The following MTDH variants were observed in gnomAD, a reference collection of about 807,000 sequenced individuals.
MTDH encodes metadherin, also known as protein LYRIC.
MTDH carries 34 observed loss-of-function variants against 72.7 expected under a neutral mutation model. The observed-to-expected ratio is 0.47, with a 90% confidence interval of 0.36 to 0.62. The LOEUF is 0.62. MTDH is among the 20% of genes least tolerant of loss of function. The pLI is 0.00. For missense variants in MTDH, 677 were observed against 699.4 expected (o/e 0.97, Z 0.36); for synonymous variants, 266 against 268.9 (o/e 0.99, Z 0.10).
chr8:97,723,061 T>A (rs763743858), intron 11 of MTDH, 26 bp downstream of exon 11: 1 of 1,600,742 alleles, frequency 6.2e-7, no homozygotes. Flanking sequence ...TTTTTGTTCC[T>A]TTGTACTGTT....
At chr8:97,693,376 G>A (rs202207539) in intron 6 of MTDH, among the ~76,000 whole-genome samples, 11 of 151,958 alleles carry the variant, frequency 7.2e-5, no homozygotes, top group African/African-American at 2.7e-4. Context: ...TCGCTCTGTC[G>A]CCCAGGCTGG....
rs373061673 is a variant in MTDH, at chr8:97,719,099, C to T, written c.1431C>T (p.Thr477=). The change falls in exon 10 of 12, where the codon ACC becomes ACT. Residue 477 remains threonine (T), a synonymous_variant. Coordinates refer to ENST00000336273, the MANE Select transcript of MTDH (RefSeq NM_178812.4). ...TTAGAGAAGACCTTCCAGTGAATACCTCTAAAACCCGTCCAAAACAGGAAA... is the reference window on the plus strand; with the variant it reads ...TTAGAGAAGACCTTCCAGTGAATACTTCTAAAACCCGTCCAAAACAGGAAA... ...KEIREDLPVN[T]SKTRPKQEKA... 3 of 1,613,706 alleles carry T rather than the reference C, an allele frequency of 1.9e-6. No individual in the cohort carries two copies. Among genetic ancestry groups the T allele is most frequent in the Non-Finnish European group, 2.5e-6 (3 of 1,179,744 alleles).
intron 8 of MTDH, among the ~76,000 whole-genome samples, chr8:97,713,048 A>G (rs1290237699): frequency 6.6e-6 from 1 of 152,130 alleles, no homozygotes; most frequent in Non-Finnish European, 1.5e-5. Flanking sequence ...AATAAAGTAG[A>G]ATTACCTATT....
At chr8:97,678,743 T>A (rs2130977795) in intron 2 of MTDH, among the ~76,000 whole-genome samples, 1 of 152,084 alleles carries the variant, frequency 6.6e-6, no homozygotes, top group East Asian at 1.9e-4. Context: ...CTGGCCTATT[T>A]TTCTTTTATG....
chr8:97,654,036 A>C (rs899576968), intron 1 of MTDH, among the ~76,000 whole-genome samples: 1 of 152,168 alleles, frequency 6.6e-6, no homozygotes, highest in Non-Finnish European at 1.5e-5. Flanking sequence ...CCATCTCCCC[A>C]TCTCATAAAG....
In MTDH at chr8:97,729,182, C is replaced by T. The variant is rs1274724507; in HGVS notation, c.*4512C>T. Among the ~76,000 whole-genome samples the T allele has an allele frequency of 6.6e-6, 1 of 151,514 alleles. No individual in the cohort carries two copies. The highest frequency in any genetic ancestry group is 1.5e-5 in the Non-Finnish European group (1 of 67,968). The stretch of plus-strand genomic sequence containing the variant: ...GCTTAAGTGATCCTCCTGCCTTGGC[C>T]TCCCAAAGTGCTGGTGTTACAGGTG... On this transcript the variant is annotated 3_prime_UTR_variant, in exon 12 of 12. Coordinates refer to ENST00000336273, the MANE Select transcript of MTDH (RefSeq NM_178812.4).
chr8:97,697,146 A>ATTTTTTTTTT (rs1317264159), intron 6 of MTDH, among the ~76,000 whole-genome samples: 1 of 68,938 alleles, frequency 1.5e-5, no homozygotes, highest in African/African-American at 1.4e-4. Context: ...ATATATATAT[A>ATTTTTTTTTT]TATATTTTTT....
chr8:97,669,922 CAAA>C (rs61250041), intron 2 of MTDH, among the ~76,000 whole-genome samples: 2 of 119,354 alleles, frequency 1.7e-5, no homozygotes, highest in Admixed American at 8.6e-5. Context: ...GACTCCATCT[CAAA>C]AAAAAAAAAA....
intron 2 of MTDH, among the ~76,000 whole-genome samples, chr8:97,667,514 A>G (rs1812440516): frequency 6.6e-6 from 1 of 152,222 alleles, no homozygotes; most frequent in Non-Finnish European, 1.5e-5. Flanking sequence ...GTGCCAAATT[A>G]GCCACTTATT....
Position 97,728,587 on chromosome 8 carries a change from T to G in MTDH, c.*3917T>G, listed in dbSNP as rs1036458736. On this transcript the variant is annotated 3_prime_UTR_variant, in exon 12 of 12. Coordinates refer to ENST00000336273, the MANE Select transcript of MTDH (RefSeq NM_178812.4). Reference sequence around the variant, plus strand: ...CATGCATTAGTTCATATGTATGAGGTTGGCTGTGTCCCCAAACAGCAATTG... The same window carrying G: ...CATGCATTAGTTCATATGTATGAGGGTGGCTGTGTCCCCAAACAGCAATTG... 5.9e-5 allele frequency: 9 copies of G among 151,800 alleles called. No homozygotes were observed. The highest frequency in any genetic ancestry group is 2.0e-4 in the Admixed American group (3 of 15,192). The allele number at this position is 151,800 out of a possible 1,614,324, so 9.4% of individuals were successfully genotyped here.
chr8:97,682,632 T>C (rs1455621523), intron 2 of MTDH, among the ~76,000 whole-genome samples: 2 of 151,912 alleles, frequency 1.3e-5, no homozygotes, highest in African/African-American at 2.4e-5. Context: ...GCAGTAGTAA[T>C]ATCAAATAAT....
intron 2 of MTDH, among the ~76,000 whole-genome samples, chr8:97,669,714 C>A (rs1045629524): frequency 6.0e-5 from 9 of 151,174 alleles, no homozygotes; most frequent in Admixed American, 5.3e-4. Flanking sequence ...GTCAGGAGTT[C>A]GAGACCAGCC....
chr8:97,718,995 A>T, intron 9 of MTDH, 54 bp from the exon 10 acceptor site: 1 of 1,493,932 alleles, frequency 6.7e-7, no homozygotes, highest in South Asian at 1.3e-5. Context: ...CATAGATTTT[A>T]ATTAATGAAG....
At chr8:97,682,949 G>C (rs1350020425) in intron 2 of MTDH, among the ~76,000 whole-genome samples, 1 of 151,216 alleles carries the variant, frequency 6.6e-6, no homozygotes, top group East Asian at 1.9e-4. Flanking sequence ...GTTAAATGTG[G>C]GGAGACTAAA....
intron 8 of MTDH, among the ~76,000 whole-genome samples, chr8:97,711,062 T>C (rs573838031): frequency 2.0e-5 from 3 of 152,308 alleles, no homozygotes; most frequent in South Asian, 4.1e-4. Flanking sequence ...TGCATCATTA[T>C]GAATACTAAC....
Position 97,729,410 on chromosome 8 carries a change from A to G in MTDH, c.*4740A>G, listed in dbSNP as rs1815475710. On this transcript the variant is annotated 3_prime_UTR_variant, in exon 12 of 12. Coordinates refer to ENST00000336273, the MANE Select transcript of MTDH (RefSeq NM_178812.4). ...TTGGTCCCACTAGCCATGAAGCTGGATGGGACGTAATATTCTATCTGGGTT... is the reference window on the plus strand; with the variant it reads ...TTGGTCCCACTAGCCATGAAGCTGGGTGGGACGTAATATTCTATCTGGGTT... Among the ~76,000 whole-genome samples, 2 of 152,168 alleles carry G rather than the reference A, an allele frequency of 1.3e-5. No homozygotes were observed. The highest frequency in any genetic ancestry group is 4.8e-5 in the African/African-American group (2 of 41,456).
At chr8:97,692,653 C>T (rs915366271) in intron 6 of MTDH, among the ~76,000 whole-genome samples, 3 of 152,146 alleles carry the variant, frequency 2.0e-5, no homozygotes, top group African/African-American at 7.2e-5. Context: ...GTTAGGATTA[C>T]AGGCCACGGC....
chr8:97,673,935 A>G (rs1456906339), intron 2 of MTDH, among the ~76,000 whole-genome samples: 1 of 151,332 alleles, frequency 6.6e-6, no homozygotes, highest in Non-Finnish European at 1.5e-5. Flanking sequence ...AGATCGTACC[A>G]CTGCACTCCA....
Position 97,661,136 on chromosome 8 carries a change from C to T in MTDH, c.446C>T (p.Ala149Val). The T allele has an allele frequency of 1.2e-6, 2 of 1,612,486 alleles. No homozygotes were observed. Among genetic ancestry groups the T allele is most frequent in the Non-Finnish European group, 1.7e-6 (2 of 1,179,230 alleles). Residue 149 changes from alanine (A) to valine (V), a missense_variant, in exon 2 of 12, where the codon GCA becomes GTA. This residue lies in a region of MTDH where 467 missense variants were observed against 469.1 expected (regional missense o/e 1.00). Coordinates refer to ENST00000336273, the MANE Select transcript of MTDH (RefSeq NM_178812.4). The part of the protein sequence containing the change: ...EAVRTPQSVT[A>V]KQPPEIDKKN... ...GTTCGAACACCTCAAAGTGTAACAG[C>T]AAAGCAGCCACCAGAGATTGACAAG... is the stretch of plus-strand genomic sequence containing the variant.
Sources: allele counts gnomAD v4.1 joint callset (sites outside exome capture counted in the v4.1 genomes callset), GRCh38; gene constraint gnomAD v4.1.1; regional missense constraint gnomAD v4.1.1; transcripts MANE v1.5; gene names NCBI Gene and HGNC (gene_info 2026-07-23, HGNC 2026-07-21).